ODAD1: variants seen among roughly 807,000 people sequenced by gnomAD.
ODAD1 encodes outer dynein arm-docking complex subunit 1.
Under a neutral mutation model 67.2 loss-of-function variants are expected in ODAD1, and 49 were observed. That is an observed-to-expected ratio of 0.73 (90% confidence interval 0.58 to 0.92). The LOEUF (loss-of-function observed/expected upper bound fraction) is 0.92. Ranked by LOEUF, ODAD1 falls within the 40% of genes least tolerant of loss-of-function variation. The probability of loss-of-function intolerance (pLI) is 0.00; values close to 1 mark genes in which losing one functional copy is unlikely to be tolerated. For synonymous variants in ODAD1, 345 were observed against 393.7 expected, an observed-to-expected ratio of 0.88 and a Z score of 1.46; for missense variants, 897 against 953.7, an observed-to-expected ratio of 0.94 and a Z score of 0.78.
rs1208470949 is a variant in ODAD1, at chr19:48,321,696, G to C, written c.-82C>G. ...CTAGTACCGCGGGCCTGGAAGCGGC[G>C]GGAGTTGAAAGAGCCTGCGGTGACC... On this transcript the variant is annotated 5_prime_UTR_variant, in exon 1 of 16. Coordinates refer to ENST00000674294, the MANE Select transcript of ODAD1 (RefSeq NM_001364171.2). The C allele has an allele frequency of 2.5e-5, 10 of 395,270 alleles. No homozygotes were observed. Among genetic ancestry groups the C allele is most frequent in the Non-Finnish European group, 4.0e-5 (9 of 224,090 alleles). The allele number at this position is 395,270 out of a possible 1,614,324, so 24.5% of individuals were successfully genotyped here. A position where few individuals can be genotyped will look rare whatever the true frequency, so the allele number is the denominator to read the frequency against.
chr19:48,311,568 G>A lies in ODAD1; in HGVS notation c.582C>T (p.Asp194=), dbSNP rs190978775. 3,631 of 1,548,922 alleles carry A rather than the reference G, an allele frequency of 2.3e-3. 11 individuals are homozygous for A. The highest frequency in any genetic ancestry group is 2.9e-3 in the Non-Finnish European group (3,268 of 1,144,684). ...RIDRNRYLNV[D]RKLKKEIHHL... ...GGCCACTGACCTTCTTCAGCTTGCG[G>A]TCCACGTTCAGATAGCGGTTCCTGT... is the stretch of plus-strand genomic sequence containing the variant. Residue 194 remains aspartate (D), a synonymous_variant, in exon 7 of 16, where the codon GAC becomes GAT. Coordinates refer to ENST00000674294, the MANE Select transcript of ODAD1 (RefSeq NM_001364171.2).
Position 48,297,436 on chromosome 19 carries a change from A to C in ODAD1, c.1664T>G (p.Val555Gly). 1 of 1,603,640 alleles carries C rather than the reference A, an allele frequency of 6.2e-7. No homozygotes were observed. The highest frequency in any genetic ancestry group is 8.5e-7 in the Non-Finnish European group (1 of 1,178,876). Residue 555 changes from valine (V) to glycine (G), a missense_variant, in exon 16 of 16, where the codon GTG becomes GGG. Transcript: ENST00000674294. ...AAAKLDGTLS[V>G]DLASTQRAGS... is the part of the protein sequence containing the mutation. The stretch of plus-strand genomic sequence containing the variant: ...GGCCCTCTGGGTGCTGGCCAGGTCC[A>C]CGCTCAGGGTGCCGTCCAGCTTCGC...
In ODAD1 at chr19:48,320,762, C is replaced by CCT. The variant is rs1969012328; in HGVS notation, c.-24+9_-24+10insAG. ...GGGAGTCCTGGGCCCTACCTGCCGA[C>CCT]GGGCCTGACCTGTTCTTGGTGCTCC... On this transcript the variant is annotated intron_variant, in intron 2 of 15. Coordinates refer to ENST00000674294, the MANE Select transcript of ODAD1 (RefSeq NM_001364171.2). The CCT allele has an allele frequency of 6.3e-6, 1 of 159,470 alleles. No homozygotes were observed. The highest frequency in any genetic ancestry group is 1.4e-4 in the South Asian group (1 of 6,906). 9.9% of individuals were successfully genotyped at this position (159,470 alleles called of 1,614,324 possible). A position where few individuals can be genotyped will look rare whatever the true frequency, so the allele number is the denominator to read the frequency against.
At chr19:48,308,824 C>T (rs1968683716) in intron 7 of ODAD1, among the ~76,000 whole-genome samples, 1 of 152,192 alleles carries the variant, frequency 6.6e-6, no homozygotes, top group African/African-American at 2.4e-5. Flanking sequence ...CCTCTCTGTG[C>T]TCTTGCAGGG....
chr19:48,307,404 A>G (rs1968636286), intron 7 of ODAD1, among the ~76,000 whole-genome samples: 1 of 152,196 alleles, frequency 6.6e-6, no homozygotes, highest in African/African-American at 2.4e-5. Flanking sequence ...CAGCCTGGAC[A>G]ACATAGTAAG....
chr19:48,303,956 G>C lies in ODAD1; in HGVS notation c.850C>G (p.Gln284Glu). Residue 284 changes from glutamine (Q) to glutamate (E), a missense_variant, in exon 9 of 16, where the codon CAG becomes GAG. Physicochemically the swap from Gln to Glu is conservative, Grantham distance 29 (BLOSUM62 2). Transcript: ENST00000674294. The stretch of plus-strand genomic sequence containing the variant: ...AAGGCAGCAGCCCCAGCCTCACCCT[G>C]CTTTTCACGCTTCTCCAGGACATCG... ...DPDVLEKREK[Q>E]AGEVAEGVWK... The C allele has an allele frequency of 6.2e-7, 1 of 1,613,668 alleles. No homozygotes were observed. Among genetic ancestry groups the C allele is most frequent in the Non-Finnish European group, 8.5e-7 (1 of 1,179,654 alleles).
intron 12 of ODAD1, among the ~76,000 whole-genome samples, chr19:48,300,275 C>T (rs10424069): frequency 6.6e-6 from 1 of 151,906 alleles, no homozygotes; most frequent in East Asian, 1.9e-4. Flanking sequence ...TGCACTCCAG[C>T]CTGGGCAAAA....
chr19:48,311,751 A>T, intron 6 of ODAD1, 85 bp from the exon 7 acceptor site: 1 of 909,448 alleles, frequency 1.1e-6, no homozygotes, highest in Non-Finnish European at 1.8e-6. Context: ...GGAGACACTT[A>T]TCAGAGGTTG....
intron 14 of ODAD1, 125 bp from the exon 15 acceptor site, chr19:48,297,793 G>T: frequency 1.1e-6 from 1 of 935,042 alleles, no homozygotes; most frequent in Admixed American, 3.2e-5. Context: ...CTTCCCTTCT[G>T]GGGCACCCGG....
intron 5 of ODAD1, among the ~76,000 whole-genome samples, chr19:48,312,400 GTTTTT>G (rs767432952): frequency 1.7e-5 from 2 of 120,814 alleles, no homozygotes; most frequent in African/African-American, 6.2e-5. Flanking sequence ...ACTCCTTTCC[GTTTTT>G]TTTTTTGTTT....
rs1174932023 is a variant in ODAD1 at position 48,298,348 on chromosome 19, A to T, written c.1241-8T>A. On this transcript the variant is annotated splice_region_variant and splice_polypyrimidine_tract_variant and intron_variant, in intron 12 of 15. Transcript: ENST00000674294. ...TGAAGAGGAGCTGGATATCTGCGTC[A>T]TGGAGGGCCGGTTGTCAGGGATCTG... 2 of 1,613,572 alleles carry T rather than the reference A, an allele frequency of 1.2e-6. No individual in the cohort carries two copies. The highest frequency in any genetic ancestry group is 2.7e-5 in the African/African-American group (2 of 74,934).
Position 48,297,574 on chromosome 19 carries a change from C to T in ODAD1, c.1581+16G>A. ...ACACTGAGGCCTGGCCCCACCCCCG[C>T]AGGCCCCACTCTCACCAGCTTCTCC... On this transcript the variant is annotated intron_variant, in intron 15 of 15. Transcript: ENST00000674294. The T allele has an allele frequency of 6.3e-7, 1 of 1,575,472 alleles. No homozygotes were observed. The highest frequency in any genetic ancestry group is 8.6e-7 in the Non-Finnish European group (1 of 1,162,408).
intron 5 of ODAD1, among the ~76,000 whole-genome samples, chr19:48,316,078 TTTGGCA>T (rs1330136516): frequency 1.3e-5 from 2 of 152,186 alleles, no homozygotes; most frequent in Non-Finnish European, 2.9e-5. Context: ...CGTTTTGTTT[TTTGGCA>T]ACTGCCAAAC....
intron 3 of ODAD1, chr19:48,319,409 C>A (rs1569013437): frequency 3.0e-6 from 3 of 984,850 alleles, no homozygotes; most frequent in South Asian, 4.7e-5. Flanking sequence ...GGATCCCAGA[C>A]CCCAAGTGAC....
Position 48,302,721 on chromosome 19 carries a change from G to T in ODAD1, c.1213C>A (p.Arg405=). The change falls in exon 12 of 16, where the codon CGG becomes AGG. Residue 405 remains arginine, a synonymous_variant. Transcript: ENST00000674294. ...ERLEARFQDV[R]GQLEKLKADI... is the part of the protein sequence containing the mutation. ...GCCTTGAGCTTCTCCAGCTGTCCCCGCACATCCTGGAAGCGGGCCTCAAGG... is the reference window on the plus strand; with the variant it reads ...GCCTTGAGCTTCTCCAGCTGTCCCCTCACATCCTGGAAGCGGGCCTCAAGG... The T allele has an allele frequency of 6.2e-7, 1 of 1,612,074 alleles. No homozygotes were observed.
rs568161381 is a variant in ODAD1, at chr19:48,297,207, C to T, written c.1893G>A (p.Ser631=). 1.2e-5 allele frequency: 19 copies of T among 1,614,058 alleles called. No individual in the cohort carries two copies. The East Asian group carries it at 1.3e-4, about 11-fold the overall frequency. The change falls in exon 16 of 16, where the codon TCG becomes TCA. Residue 631 remains serine, a synonymous_variant. Coordinates refer to ENST00000674294, the MANE Select transcript of ODAD1 (RefSeq NM_001364171.2). The part of the protein sequence containing the change: ...GHVTFGSTSA[S]SGGHVTFRPV... ...GTCTGAAGGTCACGTGGCCCCCACTCGAGGCACTGGTGGAGCCGAAGGTCA... is the reference window on the plus strand; with the variant it reads ...GTCTGAAGGTCACGTGGCCCCCACTTGAGGCACTGGTGGAGCCGAAGGTCA...
chr19:48,302,858 T>G lies in ODAD1; in HGVS notation c.1076A>C (p.Gln359Pro). Reference sequence around the variant, plus strand: ...GGCACGTGCGCTCACCAAAGCCTCCTGCATCTGTGGGGACAGGGCTGAATG... The same window carrying G: ...GGCACGTGCGCTCACCAAAGCCTCCGGCATCTGTGGGGACAGGGCTGAATG... ...EHVQEEIKEM[Q>P]EALVSARASK... The change falls in exon 12 of 16, where the codon CAG becomes CCG. Residue 359 changes from glutamine (Q) to proline (P), a missense_variant. Coordinates refer to ENST00000674294, the MANE Select transcript of ODAD1 (RefSeq NM_001364171.2). 4 of 1,613,816 alleles carry G rather than the reference T, an allele frequency of 2.5e-6. No individual in the cohort carries two copies. Among genetic ancestry groups the G allele is most frequent in the Non-Finnish European group, 3.4e-6 (4 of 1,179,894 alleles).
chr19:48,303,003 C>A lies in ODAD1; in HGVS notation c.1071+10G>T, dbSNP rs755281213. 6.2e-7 allele frequency: 1 copy of A among 1,612,590 alleles called. No homozygotes were observed. Among genetic ancestry groups the A allele is most frequent in the South Asian group, 1.1e-5 (1 of 91,048 alleles). ...GAGAGGAGGAGATGGAGAGGGCAGGCCTCACTCACCTCCTTGATCTCTTCC... is the reference window on the plus strand; with the variant it reads ...GAGAGGAGGAGATGGAGAGGGCAGGACTCACTCACCTCCTTGATCTCTTCC... On this transcript the variant is annotated intron_variant, in intron 11 of 15. Coordinates refer to ENST00000674294, the MANE Select transcript of ODAD1 (RefSeq NM_001364171.2).
At chr19:48,316,869 C>G (rs947159540) in intron 5 of ODAD1, among the ~76,000 whole-genome samples, 1 of 152,114 alleles carries the variant, frequency 6.6e-6, no homozygotes, top group Admixed American at 6.6e-5. Flanking sequence ...CTTGGTGGCA[C>G]GTGCCTGTAA....
Sources: gnomAD v4.1 joint callset for allele counts (sites outside exome capture counted in the v4.1 genomes callset) on GRCh38, gnomAD v4.1.1 for gene constraint, MANE v1.5 for transcripts, NCBI Gene and HGNC (gene_info 2026-07-23, HGNC 2026-07-21) for gene names.